Variants in STK17A observed in about 807,000 individuals in gnomAD.
The protein encoded by STK17A is serine/threonine kinase 17a.
STK17A carries 26 observed loss-of-function variants against 43.7 expected under a neutral mutation model. That is an observed-to-expected ratio of 0.60 (90% CI 0.44 to 0.83). The LOEUF (loss-of-function observed/expected upper bound fraction) is 0.83, where lower values mean the gene tolerates loss of function less well. Among genes scored for constraint, STK17A ranks in the 40% least tolerant of loss-of-function variants. The probability of loss-of-function intolerance (pLI) is 0.00; values close to 1 mark genes in which losing one functional copy is unlikely to be tolerated. For missense variants in STK17A, 476 were observed against 511.6 expected (o/e 0.93, Z 0.67); for synonymous variants, 191 against 182.5 (o/e 1.05, Z -0.38).
intron 2 of STK17A, 37 bp from the exon 3 acceptor site, chr7:43,608,219 A>T (rs150031105): frequency 6.4e-7 from 1 of 1,571,228 alleles, no homozygotes; most frequent in Non-Finnish European, 8.6e-7. Context: ...GCCATTTCTT[A>T]TGAGTTATAT....
At chr7:43,605,004 A>G (rs1044167353) in intron 2 of STK17A, among the ~76,000 whole-genome samples, 3 of 152,162 alleles carry the variant, frequency 2.0e-5, no homozygotes, top group African/African-American at 4.8e-5. Context: ...GAGATACTGT[A>G]TTTTTCACCT....
chr7:43,616,604 GA>G (rs1450895139), intron 3 of STK17A, among the ~76,000 whole-genome samples: 4 of 152,150 alleles, frequency 2.6e-5, no homozygotes, highest in Admixed American at 2.0e-4. Context: ...TTTTTAAAAA[GA>G]GGGACCGTCT....
At chr7:43,623,389 A>C (rs2084127664) in intron 4 of STK17A, 183 bp from the exon 5 acceptor site, 1 of 574,938 alleles carries the variant, frequency 1.7e-6, no homozygotes, top group South Asian at 2.2e-5. Context: ...AAAAGTAAAC[A>C]AGTTAATTAC....
At chr7:43,621,335 ACAG>A (rs1426410752) in intron 4 of STK17A, among the ~76,000 whole-genome samples, 1 of 152,222 alleles carries the variant, frequency 6.6e-6, no homozygotes, top group East Asian at 1.9e-4. Context: ...TTTAGGGAAA[ACAG>A]CAACCCAAGT....
intron 1 of STK17A, among the ~76,000 whole-genome samples, chr7:43,593,707 AAC>A (rs917628709): frequency 6.6e-6 from 1 of 151,738 alleles, no homozygotes; most frequent in Non-Finnish European, 1.5e-5. Context: ...AAAAAAAAAA[AAC>A]AATGAGGTTG....
chr7:43,611,647 C>T (rs570537720), intron 3 of STK17A, among the ~76,000 whole-genome samples: 4 of 152,162 alleles, frequency 2.6e-5, no homozygotes, highest in South Asian at 2.1e-4. Context: ...ATATGGCCTC[C>T]GCAGTACGGA....
Position 43,625,776 on chromosome 7 carries a change from A to AGAGAGAGAGAGAGT in STK17A, c.*935_*936insAGAGAGAGAGAGTG, listed in dbSNP as rs1491041925. Reference sequence around the variant, plus strand: ...AGCAGAGAGAGAGAGAGAGAGAGAGAGTGTCTTCATGCCAACCACAGCCTG... The same window carrying AGAGAGAGAGAGAGT: ...AGCAGAGAGAGAGAGAGAGAGAGAGAGAGAGAGAGAGAGTGTGTCTTCATGCCAACCACAGCCTG... On this transcript the variant is annotated 3_prime_UTR_variant, in exon 7 of 7. Coordinates refer to ENST00000319357, the MANE Select transcript of STK17A (RefSeq NM_004760.3). The AGAGAGAGAGAGAGT allele has an allele frequency of 6.8e-6, 1 of 146,866 alleles. No individual in the cohort carries two copies. Among genetic ancestry groups the AGAGAGAGAGAGAGT allele is most frequent in the Non-Finnish European group, 1.5e-5 (1 of 66,826 alleles). 9.1% of individuals were successfully genotyped at this position (146,866 alleles called of 1,614,324 possible). A position where few individuals can be genotyped will look rare whatever the true frequency, so the allele number is the denominator to read the frequency against.
chr7:43,605,412 G>C (rs535160535), intron 2 of STK17A, among the ~76,000 whole-genome samples: 1 of 152,300 alleles, frequency 6.6e-6, no homozygotes, highest in Admixed American at 6.5e-5. Flanking sequence ...CGTTGCCCCA[G>C]TGTTTAGAGT....
Position 43,583,136 on chromosome 7 carries a change from G to C in STK17A, c.-108G>C, listed in dbSNP as rs1031386341. The C allele has an allele frequency of 2.0e-5, 24 of 1,196,202 alleles. No individual in the cohort carries two copies. Among genetic ancestry groups the C allele is most frequent in the Non-Finnish European group, 2.8e-5 (24 of 859,302 alleles). 74.1% of individuals were successfully genotyped at this position (1,196,202 alleles called of 1,614,324 possible). ...GTCCGAGCGCCGCGCTGGGGAGAGC[G>C]GGTGTTTGAAGGCTCCGCGGACCGG... is the stretch of plus-strand genomic sequence containing the variant. On this transcript the variant is annotated 5_prime_UTR_variant, in exon 1 of 7. Coordinates refer to ENST00000319357, the MANE Select transcript of STK17A (RefSeq NM_004760.3).
chr7:43,605,216 C>T (rs1380196823), intron 2 of STK17A, among the ~76,000 whole-genome samples: 1 of 152,076 alleles, frequency 6.6e-6, no homozygotes, highest in Non-Finnish European at 1.5e-5. Context: ...TTTCAGATAT[C>T]TAGAAATTTT....
At chr7:43,603,487 T>A (rs2082569000) in intron 2 of STK17A, among the ~76,000 whole-genome samples, 1 of 152,170 alleles carries the variant, frequency 6.6e-6, no homozygotes, top group South Asian at 2.1e-4. Context: ...CTCCAGGTGC[T>A]AAAAGTCTAG....
intron 1 of STK17A, among the ~76,000 whole-genome samples, chr7:43,583,892 T>C (rs2082420991): frequency 6.6e-6 from 1 of 152,192 alleles, no homozygotes; most frequent in South Asian, 2.1e-4. Flanking sequence ...AAATACAGCA[T>C]CCGTTGTGAC....
intron 1 of STK17A, among the ~76,000 whole-genome samples, chr7:43,593,622 C>T (rs1583548879): frequency 6.6e-6 from 1 of 151,184 alleles, no homozygotes; most frequent in South Asian, 2.1e-4. Flanking sequence ...ATTTGCATTT[C>T]TCTGATGATT....
At chr7:43,600,071 C>T (rs947546897) in intron 2 of STK17A, among the ~76,000 whole-genome samples, 3 of 152,164 alleles carry the variant, frequency 2.0e-5, no homozygotes, top group Non-Finnish European at 4.4e-5. Context: ...TCTGGAAACA[C>T]CCTCACGGAC....
Position 43,623,613 on chromosome 7 carries a change from G to C in STK17A, c.733G>C (p.Asp245His). The C allele has an allele frequency of 1.9e-6, 3 of 1,611,480 alleles. No individual in the cohort carries two copies. Among genetic ancestry groups the C allele is most frequent in the Non-Finnish European group, 2.5e-6 (3 of 1,178,996 alleles). Residue 245 changes from aspartate to histidine, a missense_variant, in exon 5 of 7, where the codon GAT becomes CAT. Around this residue, in one of 3 missense-constraint regions of STK17A, gnomAD observed 320 missense variants for 326.3 expected, o/e 0.98. Coordinates refer to ENST00000319357, the MANE Select transcript of STK17A (RefSeq NM_004760.3). ...TTATGATCCTATAAGCATGGCAACA[G>C]ATATGTGGTAAGAGTTATTAATGAA... is the stretch of plus-strand genomic sequence containing the variant. ...LSYDPISMAT[D>H]MWSIGVLTYV...
At chr7:43,588,672 C>T (rs1268894090) in intron 1 of STK17A, among the ~76,000 whole-genome samples, 1 of 151,260 alleles carries the variant, frequency 6.6e-6, no homozygotes, top group African/African-American at 2.4e-5. Context: ...GAAACCTCAT[C>T]TCTACTAAAA....
rs766302427 is a variant in STK17A at position 43,583,435 on chromosome 7, C to T, written c.192C>T (p.Gly64=). The change falls in exon 1 of 7, where the codon GGC becomes GGT. Residue 64 remains glycine (G), a synonymous_variant. Transcript: ENST00000319357. ...PFQDGYSLCP[G]RELGRGKFAV... The stretch of plus-strand genomic sequence containing the variant: ...AGGACGGCTACAGCCTGTGCCCGGG[C>T]CGGGAGCTGGGCAGGTGAGGACGGG... 1.1e-4 allele frequency: 144 copies of T among 1,366,614 alleles called. No individual in the cohort carries two copies. Among genetic ancestry groups the T allele is most frequent in the Non-Finnish European group, 1.3e-4 (141 of 1,061,122 alleles). The allele number at this position is 1,366,614 out of a possible 1,614,324, so 84.7% of individuals were successfully genotyped here.
chr7:43,593,793 TA>T (rs1007844355), intron 1 of STK17A, among the ~76,000 whole-genome samples: 51 of 152,056 alleles, frequency 3.4e-4, no homozygotes, highest in African/African-American at 1.1e-3. Flanking sequence ...AGTTTGCAAA[TA>T]TTTTTTCCCA....
intron 4 of STK17A, chr7:43,623,028 C>T (rs2084086028): frequency 6.6e-6 from 1 of 152,656 alleles, no homozygotes; most frequent in Non-Finnish European, 1.5e-5. Context: ...ACTTAGTTGC[C>T]TTTGTCCCAT....
Sources: allele counts gnomAD v4.1 joint callset (sites outside exome capture counted in the v4.1 genomes callset), GRCh38; gene constraint gnomAD v4.1.1; regional missense constraint gnomAD v4.1.1; transcripts MANE v1.5; gene names NCBI Gene and HGNC (gene_info 2026-07-23, HGNC 2026-07-21).